Variants in IGF2BP2 observed in about 807,000 individuals in gnomAD.
The protein encoded by IGF2BP2 is insulin-like growth factor 2 mRNA-binding protein 2.
In IGF2BP2, 17 loss-of-function variants were observed where a neutral mutation model predicts 75.8. The ratio of observed to expected loss-of-function variants is 0.22; its 90% CI spans 0.15 to 0.34. The LOEUF (loss-of-function observed/expected upper bound fraction) is 0.34, where lower values mean the gene tolerates loss of function less well. IGF2BP2 is among the 10% of genes least tolerant of loss of function. The pLI is 1.00. For missense variants in IGF2BP2, 516 were observed against 772.4 expected (o/e 0.67, Z 3.93); for synonymous variants, 288 against 295.6 (o/e 0.97, Z 0.26).
At chr3:185,649,911 T>C (rs561493530) in intron 13 of IGF2BP2, among the ~76,000 whole-genome samples, 1 of 152,322 alleles carries the variant, frequency 6.6e-6, no homozygotes, top group African/African-American at 2.4e-5. Flanking sequence ...CAGGGGATTC[T>C]TATCCCATCA....
chr3:185,775,742 T>C (rs1232336263), intron 2 of IGF2BP2, among the ~76,000 whole-genome samples: 1 of 152,202 alleles, frequency 6.6e-6, no homozygotes, highest in Non-Finnish European at 1.5e-5. Flanking sequence ...AAGGATGGGC[T>C]GGGTTAGGGA....
intron 2 of IGF2BP2, among the ~76,000 whole-genome samples, chr3:185,765,784 G>A (rs1732955062): frequency 6.6e-6 from 1 of 152,182 alleles, no homozygotes. Context: ...TATGGGACTT[G>A]GGTGCAAGGA....
At chr3:185,808,741 T>A (rs1247914847) in intron 2 of IGF2BP2, among the ~76,000 whole-genome samples, 4 of 150,822 alleles carry the variant, frequency 2.7e-5, no homozygotes, top group African/African-American at 9.7e-5. Flanking sequence ...TTTTTTTTTA[T>A]CATTTTAGTA....
chr3:185,824,858 G>A lies in IGF2BP2; in HGVS notation c.103C>T (p.Leu35=), dbSNP rs1357186159. ...DRKLPLAGQV[L]LKSGYAFVDY... is the part of the protein sequence containing the mutation. The stretch of plus-strand genomic sequence containing the variant: ...ACGAAGGCGTAGCCGGACTTCAGCA[G>A]GACCTGTCCCGCCAGGGGCAGCTTC... Residue 35 remains leucine (L), a synonymous_variant, in exon 1 of 16, where the codon CTG becomes TTG. Coordinates refer to ENST00000382199, the MANE Select transcript of IGF2BP2 (RefSeq NM_006548.6). 1 of 1,559,284 alleles carries A rather than the reference G, an allele frequency of 6.4e-7. No individual in the cohort carries two copies. Among genetic ancestry groups the A allele is most frequent in the Non-Finnish European group, 8.7e-7 (1 of 1,152,692 alleles).
rs537403688 is a variant in IGF2BP2, at chr3:185,665,951, A to T, written c.1200+6590T>A. Among the ~76,000 whole-genome samples the T allele has an allele frequency of 7.9e-5, 12 of 152,262 alleles. No homozygotes were observed. In the South Asian group the frequency reaches 2.3e-3, roughly 29 times the overall value. ...CAGTGCACTTTAGCCTGGGTGACAG[A>T]GCGAGACTCTGTCTCTAGATAGACA... On this transcript the variant is annotated intron_variant, in intron 10 of 15. Transcript: ENST00000382199.
chr3:185,722,240 G>C (rs1316117715), intron 2 of IGF2BP2: 4 of 455,914 alleles, frequency 8.8e-6, no homozygotes, highest in Non-Finnish European at 1.8e-5. Flanking sequence ...AGCCGCAAGT[G>C]TTTATCCCCA....
intron 2 of IGF2BP2, among the ~76,000 whole-genome samples, chr3:185,731,708 C>G (rs1046453127): frequency 6.6e-6 from 1 of 152,072 alleles, no homozygotes; most frequent in African/African-American, 2.4e-5. Context: ...GGCGCAGTGG[C>G]TCATGCCTGT....
intron 14 of IGF2BP2, among the ~76,000 whole-genome samples, chr3:185,648,727 C>T (rs1483999214): frequency 1.3e-5 from 2 of 152,196 alleles, no homozygotes; most frequent in East Asian, 3.8e-4. Flanking sequence ...AAAGTTAACG[C>T]TCTGGCACTT....
At chr3:185,749,917 A>G (rs920968701) in intron 2 of IGF2BP2, among the ~76,000 whole-genome samples, 1 of 152,130 alleles carries the variant, frequency 6.6e-6, no homozygotes, top group Non-Finnish European at 1.5e-5. Context: ...AAAGTACACC[A>G]AAAATACAAT....
Position 185,794,905 on chromosome 3 carries a change from C to CTT in IGF2BP2, c.239+28246_239+28247dup, listed in dbSNP as rs1036001121. Among the ~76,000 whole-genome samples, 9 of 148,314 alleles carry CTT rather than the reference C, an allele frequency of 6.1e-5. No individual in the cohort carries two copies. In the Admixed American group the frequency reaches 6.1e-4, roughly 10 times the overall value. On this transcript the variant is annotated intron_variant, in intron 2 of 15. Transcript: ENST00000382199. Reference sequence around the variant, plus strand: ...GACTACTCCAGTTATCTTTTCTTTTCTTTTTTTTTTGAGGCGGAGTCTCAC... The same window carrying CTT: ...GACTACTCCAGTTATCTTTTCTTTTCTTTTTTTTTTTTGAGGCGGAGTCTCAC...
At position 185,665,795 on chromosome 3, in the gene IGF2BP2, C is replaced by T. The variant is rs1015286976; in HGVS notation, c.1200+6746G>A. Among the ~76,000 whole-genome samples the T allele has an allele frequency of 3.1e-4, 47 of 152,060 alleles. 1 individual carries two copies. Among genetic ancestry groups the T allele is most frequent in the Non-Finnish European group, 1.3e-4 (9 of 68,016 alleles). ...CAGCCTGGCCAACATGGCAAAATCCCGTCTCTACCAAAAATAGAAAAATTA... is the reference window on the plus strand; with the variant it reads ...CAGCCTGGCCAACATGGCAAAATCCTGTCTCTACCAAAAATAGAAAAATTA... On this transcript the variant is annotated intron_variant, in intron 10 of 15. Transcript: ENST00000382199.
Position 185,645,481 on chromosome 3 carries a change from T to C in IGF2BP2, c.*50A>G. 1.6e-6 allele frequency: 2 copies of C among 1,257,332 alleles called. No individual in the cohort carries two copies. Among genetic ancestry groups the C allele is most frequent in the Non-Finnish European group, 2.3e-6 (2 of 855,898 alleles). The allele number at this position is 1,257,332 out of a possible 1,614,324, so 77.9% of individuals were successfully genotyped here. A position where few individuals can be genotyped will look rare whatever the true frequency, so the allele number is the denominator to read the frequency against. ...CTGCGTTTGGTCTCATTCTGTCAGG[T>C]GTTGGAAGGGCTACATTCATCCGTT... On this transcript the variant is annotated 3_prime_UTR_variant, in exon 16 of 16. Transcript: ENST00000382199. This position sits in a 1 kb window ranked among gnomAD's most constrained non-coding sequence, Gnocchi z 4.9.
chr3:185,665,874 T>G (rs1577881366), intron 10 of IGF2BP2, among the ~76,000 whole-genome samples: 1 of 151,862 alleles, frequency 6.6e-6, no homozygotes. Flanking sequence ...GGCTGAGGCA[T>G]GAGAATCGCT....
At chr3:185,823,466 A>G (rs556508291) in intron 1 of IGF2BP2, among the ~76,000 whole-genome samples, 1 of 152,308 alleles carries the variant, frequency 6.6e-6, no homozygotes, top group East Asian at 1.9e-4. Flanking sequence ...ATTACCGGAA[A>G]AACAAATTTA....
chr3:185,714,826 G>A (rs1344503226), intron 2 of IGF2BP2, among the ~76,000 whole-genome samples: 1 of 152,124 alleles, frequency 6.6e-6, no homozygotes, highest in Non-Finnish European at 1.5e-5. Context: ...CATTCACTCT[G>A]GGAAACTTCA....
chr3:185,694,593 C>T (rs1231113611), intron 4 of IGF2BP2, among the ~76,000 whole-genome samples: 1 of 152,354 alleles, frequency 6.6e-6, no homozygotes, highest in East Asian at 1.9e-4. Flanking sequence ...CCCAACAGTT[C>T]TATCCTGTTG....
intron 2 of IGF2BP2, among the ~76,000 whole-genome samples, chr3:185,738,023 T>C (rs1312894435): frequency 1.3e-5 from 2 of 152,208 alleles, no homozygotes; most frequent in African/African-American, 2.4e-5. Flanking sequence ...TCACTGCCAA[T>C]GTTTAACAGT....
intron 2 of IGF2BP2, among the ~76,000 whole-genome samples, chr3:185,729,367 A>G (rs1278552059): frequency 1.3e-5 from 2 of 152,222 alleles, no homozygotes; most frequent in African/African-American, 4.8e-5. Context: ...TGAAATGAAT[A>G]AAGTCCGCCT....
chr3:185,649,377 A>G (rs1714171872), intron 14 of IGF2BP2, 26 bp downstream of exon 14: 1 of 1,610,722 alleles, frequency 6.2e-7, no homozygotes, highest in African/African-American at 1.3e-5. Context: ...GACCCAGGTG[A>G]TGAAGCGAGC....
Sources: allele counts gnomAD v4.1 joint callset (sites outside exome capture counted in the v4.1 genomes callset), GRCh38; gene constraint gnomAD v4.1.1; non-coding constraint Gnocchi (gnomAD v3.1); transcripts MANE v1.5; gene names NCBI Gene and HGNC (gene_info 2026-07-23, HGNC 2026-07-21).